Variants in MARK2 observed in about 807,000 individuals in gnomAD.
MARK2 encodes microtubule affinity regulating kinase 2.
In MARK2, 16 loss-of-function variants were observed where a neutral mutation model predicts 89.8. That is an observed-to-expected ratio of 0.18 (90% CI 0.12 to 0.27). The LOEUF is 0.27. Among genes scored for constraint, MARK2 ranks in the 10% least tolerant of loss-of-function variants. MARK2 has a pLI of 1.00. For missense variants in MARK2, 621 were observed against 1,049.9 expected (o/e 0.59, Z 5.65); for synonymous variants, 382 against 399.5 (o/e 0.96, Z 0.52).
chr11:63,907,555 C>T (rs1274215871), intron 17 of MARK2, among the ~76,000 whole-genome samples: 2 of 152,204 alleles, frequency 1.3e-5, no homozygotes, highest in African/African-American at 4.8e-5. Context: ...TCTTCCCCAC[C>T]CACCCAACCA....
chr11:63,866,703 G>A (rs1565108832), intron 1 of MARK2, among the ~76,000 whole-genome samples: 1 of 152,026 alleles, frequency 6.6e-6, no homozygotes. Flanking sequence ...ATCCTCATCT[G>A]TGTTTTTTTG....
Position 63,906,128 on chromosome 11 carries a change from C to A in MARK2, c.1961+14C>A. ...GTTTGCCAGAAGGTAGGCGTTGAGC[C>A]CGCTGTGTGTGTGTGTGTGTGTGTG... On this transcript the variant is annotated intron_variant, in intron 17 of 18. Transcript: ENST00000402010. 1 of 1,259,220 alleles carries A rather than the reference C, an allele frequency of 7.9e-7. No individual in the cohort carries two copies. The allele number at this position is 1,259,220 out of a possible 1,614,324, so 78.0% of individuals were successfully genotyped here.
At chr11:63,842,933 T>C (rs2016092850) in intron 1 of MARK2, among the ~76,000 whole-genome samples, 1 of 151,708 alleles carries the variant, frequency 6.6e-6, no homozygotes, top group African/African-American at 2.4e-5. Flanking sequence ...TGTTGAAGCA[T>C]AAAAATAAAC....
At chr11:63,895,899 A>T (rs1421772711) in intron 3 of MARK2, among the ~76,000 whole-genome samples, 1 of 151,722 alleles carries the variant, frequency 6.6e-6, no homozygotes, top group Non-Finnish European at 1.5e-5. Flanking sequence ...CGAACTCCTG[A>T]CCTCAAGTGA....
chr11:63,901,158 A>T (rs891379354), intron 11 of MARK2, 89 bp downstream of exon 11: 1 of 839,494 alleles, frequency 1.2e-6, no homozygotes, highest in Non-Finnish European at 2.0e-6. Context: ...GCAGAAGCTC[A>T]TCTCTGAGTA....
At chr11:63,895,403 A>G in intron 2 of MARK2, 65 bp downstream of exon 2, 1 of 1,540,132 alleles carries the variant, frequency 6.5e-7, no homozygotes. Context: ...GCAGGTGGTG[A>G]TGGGACTACT....
intron 1 of MARK2, among the ~76,000 whole-genome samples, chr11:63,848,998 C>T (rs963923628): frequency 2.0e-5 from 3 of 151,948 alleles, no homozygotes; most frequent in Non-Finnish European, 2.9e-5. Context: ...TGAGCCACCG[C>T]GCCTGACCTT....
intron 1 of MARK2, among the ~76,000 whole-genome samples, chr11:63,873,388 C>A (rs1269528359): frequency 6.6e-6 from 1 of 152,154 alleles, no homozygotes; most frequent in Non-Finnish European, 1.5e-5. Context: ...AAGACAGTGG[C>A]TGAAAGGTCA....
Position 63,894,526 on chromosome 11 carries a change from A to G in MARK2, c.55-633A>G, listed in dbSNP as rs527319443. ...AGCCTGACCAACATGGAGAAACCCT[A>G]TCTCTATTGAAAATACAAAATTAGC... On this transcript the variant is annotated intron_variant, in intron 1 of 18. Coordinates refer to ENST00000402010, the MANE Select transcript of MARK2 (RefSeq NM_001039469.3). Among the ~76,000 whole-genome samples, 449 of 152,186 alleles carry G rather than the reference A, an allele frequency of 3.0e-3. 5 individuals carry two copies. The highest frequency in any genetic ancestry group is 0.01 in the African/African-American group (427 of 41,530).
At position 63,903,642 on chromosome 11, in the gene MARK2, C is replaced by T. The variant is rs1299581386; in HGVS notation, c.1515-344C>T. 6.6e-6 allele frequency among the ~76,000 whole-genome samples: 1 copy of T among 152,046 alleles called. No homozygotes were observed. The highest frequency in any genetic ancestry group is 2.4e-5 in the African/African-American group (1 of 41,362). On this transcript the variant is annotated intron_variant, in intron 14 of 18. Coordinates refer to ENST00000402010, the MANE Select transcript of MARK2 (RefSeq NM_001039469.3). The surrounding 1 kb of genome is among the most constrained non-coding windows in gnomAD (Gnocchi z 5.1). ...ATCTCTTCTGAGTTTATGAAAGTTT[C>T]CCCTCAGCAACACCCCACTCTTTCT...
At chr11:63,876,002 T>C (rs570642429) in intron 1 of MARK2, among the ~76,000 whole-genome samples, 1 of 152,350 alleles carries the variant, frequency 6.6e-6, no homozygotes, top group African/African-American at 2.4e-5. Context: ...ACTGATCACA[T>C]TTCCCATAAA....
chr11:63,859,588 G>A (rs1162622954), intron 1 of MARK2, among the ~76,000 whole-genome samples: 2 of 151,376 alleles, frequency 1.3e-5, no homozygotes, highest in Non-Finnish European at 2.9e-5. Flanking sequence ...CAAAGTACTA[G>A]GATTACAGGC....
At chr11:63,889,782 T>A (rs1939685273) in intron 1 of MARK2, among the ~76,000 whole-genome samples, 1 of 152,246 alleles carries the variant, frequency 6.6e-6, no homozygotes, top group South Asian at 2.1e-4. Context: ...GGTGACCCCT[T>A]ATTCTTTCTA....
At chr11:63,857,260 A>T (rs2016913341) in intron 1 of MARK2, among the ~76,000 whole-genome samples, 1 of 152,062 alleles carries the variant, frequency 6.6e-6, no homozygotes, top group Non-Finnish European at 1.5e-5. Flanking sequence ...TCCACCTCCC[A>T]GGTTCAAGCA....
intron 18 of MARK2, 98 bp downstream of exon 18, chr11:63,908,402 G>C (rs540943133): frequency 9.5e-7 from 1 of 1,048,452 alleles, no homozygotes. Flanking sequence ...TCTTCCTCCC[G>C]TGGTTCTGCC....
intron 3 of MARK2, 76 bp from the exon 4 acceptor site, chr11:63,898,156 T>C: frequency 7.6e-7 from 1 of 1,310,946 alleles, no homozygotes; most frequent in South Asian, 1.2e-5. Flanking sequence ...GAAAAACAAA[T>C]CCTGGCAGGG....
intron 16 of MARK2, 52 bp from the exon 17 acceptor site, chr11:63,906,036 T>C: frequency 1.6e-6 from 2 of 1,225,550 alleles, no homozygotes; most frequent in Non-Finnish European, 2.1e-6. Context: ...GTCTTGTTGG[T>C]TTTTTTTTTA....
chr11:63,852,682 A>AT (rs1429165539), intron 1 of MARK2, among the ~76,000 whole-genome samples: 1 of 151,698 alleles, frequency 6.6e-6, no homozygotes, highest in African/African-American at 2.4e-5. Context: ...CTAAAAAAAA[A>AT]AAAAAAGAAA....
chr11:63,887,337 C>T (rs1403720501), intron 1 of MARK2, among the ~76,000 whole-genome samples: 1 of 152,210 alleles, frequency 6.6e-6, no homozygotes, highest in Non-Finnish European at 1.5e-5. Flanking sequence ...AGATTTTGGG[C>T]AAGTCTCATA....
Sources: allele counts gnomAD v4.1 joint callset (sites outside exome capture counted in the v4.1 genomes callset), GRCh38; gene constraint gnomAD v4.1.1; non-coding constraint Gnocchi (gnomAD v3.1); transcripts MANE v1.5; gene names NCBI Gene and HGNC (gene_info 2026-07-23, HGNC 2026-07-21).